METTL15: variants seen among roughly 807,000 people sequenced by gnomAD.
The protein encoded by METTL15 is 12S rRNA N(4)-cytidine methyltransferase METTL15.
A neutral mutation model predicts 38.3 loss-of-function variants in METTL15; 34 were observed. The observed-to-expected ratio is 0.89, with a 90% CI of 0.68 to 1.18. METTL15 has a LOEUF of 1.18. Ranked by LOEUF, METTL15 falls within the 50% of genes most tolerant of loss-of-function variation. METTL15 has a pLI of 0.00. For synonymous variants in METTL15, 162 were observed against 170.9 expected (o/e 0.95, Z 0.41); for missense variants, 438 against 498.4 (o/e 0.88, Z 1.15).
chr11:28,156,235 A>G (rs901341666), intron 3 of METTL15, among the ~76,000 whole-genome samples: 2 of 152,178 alleles, frequency 1.3e-5, no homozygotes, highest in Non-Finnish European at 2.9e-5. Flanking sequence ...AAAGGTACCC[A>G]GTTGAGGAAG....
chr11:28,508,940 T>C (rs996425186), intron 6 of METTL15, among the ~76,000 whole-genome samples: 3 of 152,246 alleles, frequency 2.0e-5, no homozygotes, highest in Non-Finnish European at 4.4e-5. Context: ...GGCATAGTAA[T>C]GTTAACCTAC....
At position 28,223,025 on chromosome 11, in the gene METTL15, G is replaced by T. The variant is rs531013242; in HGVS notation, c.407+11827G>T. Among the ~76,000 whole-genome samples, 13 of 152,218 alleles carry T rather than the reference G, an allele frequency of 8.5e-5. No individual in the cohort carries two copies. The South Asian group carries it at 2.7e-3, about 32-fold the overall frequency. Reference sequence around the variant, plus strand: ...TGAAAAACATAATTTTGCTAGTGAGGATGTGCAGAAAAGGATACTTTCATC... The same window carrying T: ...TGAAAAACATAATTTTGCTAGTGAGTATGTGCAGAAAAGGATACTTTCATC... On this transcript the variant is annotated intron_variant, in intron 4 of 6. Transcript: ENST00000407364.
intron 5 of METTL15, among the ~76,000 whole-genome samples, chr11:28,372,971 A>G (rs1564909979): frequency 6.6e-6 from 1 of 151,704 alleles, no homozygotes; most frequent in African/African-American, 2.4e-5. Flanking sequence ...ATGGCTGCAT[A>G]GTATTCCATG....
chr11:28,114,573 C>A (rs1184772164), intron 3 of METTL15, among the ~76,000 whole-genome samples: 4 of 152,248 alleles, frequency 2.6e-5, no homozygotes, highest in African/African-American at 9.6e-5. Context: ...GCCTGAGCCT[C>A]CCAAGTAGCT....
intron 6 of METTL15, among the ~76,000 whole-genome samples, chr11:28,521,241 A>G (rs1851762633): frequency 6.6e-6 from 1 of 152,180 alleles, no homozygotes; most frequent in South Asian, 2.1e-4. Flanking sequence ...TGCCAAGTAT[A>G]TCTTACTGGG....
At chr11:28,382,042 A>T (rs184878755) in intron 5 of METTL15, among the ~76,000 whole-genome samples, 9 of 152,110 alleles carry the variant, frequency 5.9e-5, no homozygotes, top group Admixed American at 2.0e-4. Context: ...TTTGCAGTTT[A>T]CCTGTGGACC....
intron 4 of METTL15, among the ~76,000 whole-genome samples, chr11:28,359,772 A>G (rs1476466902): frequency 1.4e-4 from 21 of 152,156 alleles, no homozygotes; most frequent in Non-Finnish European, 2.6e-4. Flanking sequence ...ATGCCGAAGT[A>G]TGTTTTCTGT....
At chr11:28,516,787 A>T (rs1851723422) in intron 6 of METTL15, 1 of 152,354 alleles carries the variant, frequency 6.6e-6, no homozygotes, top group African/African-American at 2.4e-5. Flanking sequence ...TTAATAGCTA[A>T]GGATTAGGCA....
At chr11:28,145,827 A>G (rs1448192340) in intron 3 of METTL15, 1 of 152,068 alleles carries the variant, frequency 6.6e-6, no homozygotes, top group East Asian at 1.9e-4. Context: ...CTTTAGATTT[A>G]TTCTAGAAAA....
intron 3 of METTL15, among the ~76,000 whole-genome samples, chr11:28,202,567 A>G (rs1852157159): frequency 6.6e-6 from 1 of 152,090 alleles, no homozygotes; most frequent in Non-Finnish European, 1.5e-5. Context: ...CTCAATAAAT[A>G]TACAGATGAT....
intron 6 of METTL15, among the ~76,000 whole-genome samples, chr11:28,300,413 C>T (rs577264346): frequency 9.2e-5 from 14 of 152,218 alleles, no homozygotes; most frequent in South Asian, 8.3e-4. Context: ...TGGAATCACA[C>T]GCTCAGTAGG....
intron 5 of METTL15, among the ~76,000 whole-genome samples, chr11:28,415,622 T>G (rs1019205066): frequency 6.6e-6 from 1 of 152,192 alleles, no homozygotes; most frequent in South Asian, 2.1e-4. Flanking sequence ...GTACTCTTTC[T>G]ACTACAGTAC....
chr11:28,128,450 T>G (rs1454309867), intron 3 of METTL15, among the ~76,000 whole-genome samples: 1 of 152,174 alleles, frequency 6.6e-6, no homozygotes, highest in Non-Finnish European at 1.5e-5. Context: ...TGTTGTTTGC[T>G]GAAAATCAAC....
chr11:28,117,488 A>G (rs1852027207), intron 3 of METTL15, among the ~76,000 whole-genome samples: 1 of 152,088 alleles, frequency 6.6e-6, no homozygotes, highest in Non-Finnish European at 1.5e-5. Context: ...TCTTCTAGCA[A>G]ATCAGTATTG....
At chr11:28,472,479 T>C (rs1188829842) in intron 6 of METTL15, among the ~76,000 whole-genome samples, 4 of 152,170 alleles carry the variant, frequency 2.6e-5, no homozygotes, top group Non-Finnish European at 2.9e-5. Context: ...TCTGGGGTAC[T>C]TCTAAAGTAG....
At chr11:28,474,630 C>T (rs1419546694) in intron 6 of METTL15, among the ~76,000 whole-genome samples, 1 of 152,148 alleles carries the variant, frequency 6.6e-6, no homozygotes, top group Non-Finnish European at 1.5e-5. Flanking sequence ...TGTAGGTATT[C>T]AAGGATGATG....
At chr11:28,515,673 A>G (rs140492603) in intron 6 of METTL15, among the ~76,000 whole-genome samples, 29 of 152,374 alleles carry the variant, frequency 1.9e-4, no homozygotes, top group South Asian at 1.2e-3. Flanking sequence ...AATAAGGCAT[A>G]AAGTATTTAT....
chr11:28,448,084 A>C (rs957654685), intron 6 of METTL15, among the ~76,000 whole-genome samples: 2 of 152,150 alleles, frequency 1.3e-5, no homozygotes, highest in African/African-American at 4.8e-5. Context: ...CAGCAGCCTC[A>C]TAACTACTCT....
intron 3 of METTL15, among the ~76,000 whole-genome samples, chr11:28,146,931 TTTCA>T (rs1849907881): frequency 6.6e-6 from 1 of 151,910 alleles, no homozygotes. Flanking sequence ...AAAGAAAATA[TTTCA>T]TTTATATAAA....
Sources: allele counts gnomAD v4.1 joint callset (sites outside exome capture counted in the v4.1 genomes callset), GRCh38; gene constraint gnomAD v4.1.1; transcripts MANE v1.5; gene names NCBI Gene and HGNC (gene_info 2026-07-23, HGNC 2026-07-21).